The following NRG3 variants were observed in gnomAD, a reference collection of about 807,000 sequenced individuals.
The protein encoded by NRG3 is neuregulin 3.
In NRG3, 31 loss-of-function variants were observed where a neutral mutation model predicts 66.9. The observed-to-expected ratio is 0.46, with a 90% CI of 0.35 to 0.63. The LOEUF is 0.63. Among genes scored for constraint, NRG3 ranks in the 20% least tolerant of loss-of-function variants. The probability of loss-of-function intolerance (pLI) is 0.00; values close to 1 mark genes in which losing one functional copy is unlikely to be tolerated. For missense variants in NRG3, 910 were observed against 878.9 expected, an observed-to-expected ratio of 1.04 and a Z score of -0.45; for synonymous variants, 393 against 359.4, an observed-to-expected ratio of 1.09 and a Z score of -1.06.
At chr10:82,863,334 T>C (rs2064239020) in intron 3 of NRG3, among the ~76,000 whole-genome samples, 1 of 152,244 alleles carries the variant, frequency 6.6e-6, no homozygotes, top group Non-Finnish European at 1.5e-5. Flanking sequence ...TTTGCATGTG[T>C]CTTTATAGCA....
At chr10:82,709,631 G>A (rs978327157) in intron 2 of NRG3, among the ~76,000 whole-genome samples, 10 of 151,910 alleles carry the variant, frequency 6.6e-5, no homozygotes, top group African/African-American at 2.2e-4. Flanking sequence ...CCCCCGCCTC[G>A]GCCTCCCAAA....
chr10:82,424,625 C>A (rs183505728), intron 2 of NRG3, among the ~76,000 whole-genome samples: 1 of 152,084 alleles, frequency 6.6e-6, no homozygotes, highest in East Asian at 1.9e-4. Context: ...CTTTAAAGTG[C>A]AAAAGAGTTA....
chr10:82,181,568 C>G (rs1332052362), intron 1 of NRG3, among the ~76,000 whole-genome samples: 1 of 151,714 alleles, frequency 6.6e-6, no homozygotes, highest in Non-Finnish European at 1.5e-5. Context: ...AGTGAACTTT[C>G]TAGGTTCATT....
intron 1 of NRG3, among the ~76,000 whole-genome samples, chr10:82,186,040 T>A (rs1203430340): frequency 6.6e-6 from 1 of 152,184 alleles, no homozygotes; most frequent in Non-Finnish European, 1.5e-5. Context: ...GCAGAAAGCT[T>A]ATCATTTCAT....
chr10:82,408,121 A>AAGAG, intron 2 of NRG3, among the ~76,000 whole-genome samples: 1 of 143,546 alleles, frequency 7.0e-6, no homozygotes, highest in African/African-American at 2.6e-5. Context: ...GAAAGAAAGA[A>AAGAG]AGAAAGAAAG....
chr10:82,608,414 A>C (rs772131393), intron 2 of NRG3, among the ~76,000 whole-genome samples: 1 of 151,712 alleles, frequency 6.6e-6, no homozygotes, highest in East Asian at 1.9e-4. Flanking sequence ...CTTTATTTTT[A>C]TCTTTCTTGA....
intron 1 of NRG3, among the ~76,000 whole-genome samples, chr10:81,995,778 A>T (rs1203605563): frequency 6.6e-6 from 1 of 152,218 alleles, no homozygotes; most frequent in Non-Finnish European, 1.5e-5. Flanking sequence ...TCAATATTCT[A>T]GTCCTACAGA....
At chr10:82,425,711 T>C (rs973895614) in intron 2 of NRG3, among the ~76,000 whole-genome samples, 1 of 152,178 alleles carries the variant, frequency 6.6e-6, no homozygotes, top group Non-Finnish European at 1.5e-5. Flanking sequence ...TGAGATTTTA[T>C]GTTCATTTGC....
At chr10:82,035,629 G>A (rs371787561) in intron 1 of NRG3, among the ~76,000 whole-genome samples, 6 of 151,968 alleles carry the variant, frequency 3.9e-5, no homozygotes, top group South Asian at 2.1e-4. Flanking sequence ...ATGACTTACT[G>A]GAAAGATATT....
intron 1 of NRG3, among the ~76,000 whole-genome samples, chr10:82,089,297 A>C (rs2065898705): frequency 1.3e-5 from 2 of 152,094 alleles, no homozygotes; most frequent in Non-Finnish European, 2.9e-5. Flanking sequence ...TTAGAGCTTT[A>C]CTTTTTTTCT....
chr10:82,133,710 T>G (rs1210768292), intron 1 of NRG3, among the ~76,000 whole-genome samples: 1 of 152,202 alleles, frequency 6.6e-6, no homozygotes, highest in Non-Finnish European at 1.5e-5. Flanking sequence ...TGAATAGTGC[T>G]GCAATGAACA....
At chr10:82,422,118 A>C (rs1228153415) in intron 2 of NRG3, among the ~76,000 whole-genome samples, 6 of 152,112 alleles carry the variant, frequency 3.9e-5, no homozygotes, top group African/African-American at 1.4e-4. Context: ...TGCAGATTTC[A>C]ATACACTTGT....
At chr10:82,618,325 C>CG (rs1430010918) in intron 2 of NRG3, among the ~76,000 whole-genome samples, 6 of 151,180 alleles carry the variant, frequency 4.0e-5, no homozygotes, top group South Asian at 2.1e-4. Context: ...GGCAGGGAGA[C>CG]GGGGGGGAAT....
At chr10:82,047,706 A>G (rs2063373945) in intron 1 of NRG3, among the ~76,000 whole-genome samples, 1 of 151,672 alleles carries the variant, frequency 6.6e-6, no homozygotes, top group African/African-American at 2.4e-5. Context: ...TGAGCAAAAC[A>G]ACCAGCTAAC....
chr10:82,090,633 C>T (rs925309976), intron 1 of NRG3, among the ~76,000 whole-genome samples: 14 of 151,992 alleles, frequency 9.2e-5, no homozygotes, highest in Non-Finnish European at 1.5e-4. Flanking sequence ...AAAGAAGGGA[C>T]GAGTGGATTG....
chr10:82,269,231 T>A (rs563563340), intron 1 of NRG3, among the ~76,000 whole-genome samples: 1 of 152,238 alleles, frequency 6.6e-6, no homozygotes, highest in South Asian at 2.1e-4. Context: ...TAGCCTCTAA[T>A]AGGAGGTGGT....
chr10:82,118,346 G>C (rs2067861357), intron 1 of NRG3, among the ~76,000 whole-genome samples: 1 of 151,884 alleles, frequency 6.6e-6, no homozygotes, highest in African/African-American at 2.4e-5. Context: ...AGTCGAAGTT[G>C]CCAGAAAAGT....
chr10:82,153,836 A>G (rs555362657), intron 1 of NRG3, among the ~76,000 whole-genome samples: 9 of 151,772 alleles, frequency 5.9e-5, no homozygotes, highest in African/African-American at 1.9e-4. Context: ...TTTTTTTCAT[A>G]TATCTGTTGG....
At chr10:82,461,099 A>G (rs1341631353) in intron 2 of NRG3, among the ~76,000 whole-genome samples, 1 of 151,860 alleles carries the variant, frequency 6.6e-6, no homozygotes, top group Non-Finnish European at 1.5e-5. Flanking sequence ...TGCTGCCACC[A>G]CCATCAAAAT....
Sources: gnomAD v4.1 joint callset for allele counts (sites outside exome capture counted in the v4.1 genomes callset) on GRCh38, gnomAD v4.1.1 for gene constraint, MANE v1.5 for transcripts, NCBI Gene and HGNC (gene_info 2026-07-23, HGNC 2026-07-21) for gene names.